SMAD5: variants seen among roughly 807,000 people sequenced by gnomAD.
The protein encoded by SMAD5 is MAD, mothers against decapentaplegic homolog 5.
Under a neutral mutation model 43.1 loss-of-function variants are expected in SMAD5, and 9 were observed. The observed-to-expected ratio is 0.21, with a 90% CI of 0.13 to 0.36. The LOEUF is 0.36. SMAD5 is among the 10% of genes least tolerant of loss of function. SMAD5 has a pLI of 1.00. For synonymous variants in SMAD5, 190 were observed against 192.4 expected (o/e 0.99, Z 0.10); for missense variants, 348 against 574.0 (o/e 0.61, Z 4.02).
At chr5:136,172,831 T>G (rs1483911755) in intron 6 of SMAD5, 176 bp downstream of exon 6, 2 of 585,942 alleles carry the variant, frequency 3.4e-6, no homozygotes, top group Non-Finnish European at 6.1e-6. Context: ...GTTCCCTCAT[T>G]TTTTTGTCCT....
chr5:136,166,553 CTACT>C (rs1269696505), intron 5 of SMAD5, among the ~76,000 whole-genome samples: 5 of 152,210 alleles, frequency 3.3e-5, no homozygotes, highest in Admixed American at 1.3e-4. Context: ...TCCTGTTTCT[CTACT>C]TATTTGCTTT....
intron 2 of SMAD5, among the ~76,000 whole-genome samples, chr5:136,150,749 C>G (rs568963705): frequency 3.0e-4 from 45 of 152,064 alleles, no homozygotes; most frequent in African/African-American, 1.1e-3. Context: ...TAGCCAGTCT[C>G]TTAAGTCTTG....
chr5:136,172,369 A>C, intron 5 of SMAD5, 65 bp from the exon 6 acceptor site: 1 of 947,656 alleles, frequency 1.1e-6, no homozygotes, highest in Non-Finnish European at 1.6e-6. Flanking sequence ...GTTAAAAGAT[A>C]AACACATGGA....
intron 2 of SMAD5, among the ~76,000 whole-genome samples, chr5:136,152,953 A>G (rs1032470123): frequency 1.3e-5 from 2 of 152,186 alleles, no homozygotes; most frequent in African/African-American, 4.8e-5. Context: ...TTTAAAATGA[A>G]TTTATTCTCT....
intron 1 of SMAD5, among the ~76,000 whole-genome samples, chr5:136,140,995 T>G (rs1278815571): frequency 1.3e-5 from 2 of 152,090 alleles, no homozygotes; most frequent in Non-Finnish European, 2.9e-5. Flanking sequence ...AACAAATTAT[T>G]ATGAATCAGT....
At chr5:136,151,726 A>G (rs1167476728) in intron 2 of SMAD5, among the ~76,000 whole-genome samples, 2 of 151,844 alleles carry the variant, frequency 1.3e-5, no homozygotes, top group South Asian at 4.1e-4. Flanking sequence ...ATTATATTCT[A>G]GTGTTCATGA....
chr5:136,153,281 G>A (rs892759782), intron 2 of SMAD5, among the ~76,000 whole-genome samples: 7 of 152,132 alleles, frequency 4.6e-5, no homozygotes, highest in Non-Finnish European at 7.4e-5. Flanking sequence ...TCAAATTTTA[G>A]AAGAGTGTTT....
chr5:136,146,476 T>C (rs1753259539), intron 1 of SMAD5, among the ~76,000 whole-genome samples: 2 of 151,928 alleles, frequency 1.3e-5, no homozygotes, highest in South Asian at 4.1e-4. Flanking sequence ...GCATGAAAAA[T>C]TGAATCAACT....
chr5:136,162,694 G>C (rs1355140475), intron 4 of SMAD5, among the ~76,000 whole-genome samples: 3 of 152,136 alleles, frequency 2.0e-5, no homozygotes, highest in Non-Finnish European at 1.5e-5. Context: ...GAAACTCAAA[G>C]ATTTTCTAGT....
At chr5:136,158,363 C>G (rs1214168451) in intron 3 of SMAD5, among the ~76,000 whole-genome samples, 1 of 152,102 alleles carries the variant, frequency 6.6e-6, no homozygotes, top group African/African-American at 2.4e-5. Context: ...GTTCTGGATT[C>G]TAGAAGAAAG....
intron 4 of SMAD5, among the ~76,000 whole-genome samples, chr5:136,161,741 C>T (rs1410685692): frequency 2.0e-5 from 3 of 152,188 alleles, no homozygotes; most frequent in Non-Finnish European, 4.4e-5. Context: ...GTCAGTATGT[C>T]ACTGTCAAGA....
At chr5:136,174,699 T>C (rs531037380) in intron 7 of SMAD5, 67 bp downstream of exon 7, 22 of 1,141,382 alleles carry the variant, frequency 1.9e-5, no homozygotes, top group Admixed American at 1.8e-4. Context: ...TAGGTTATAA[T>C]TTTTAAAAAT....
At position 136,165,684 on chromosome 5, in the gene SMAD5, T is replaced by A. The variant is rs1033766823; in HGVS notation, c.775+2293T>A. Among the ~76,000 whole-genome samples, 45 of 142,638 alleles carry A rather than the reference T, an allele frequency of 3.2e-4. 1 individual carries two copies. Among genetic ancestry groups the A allele is most frequent in the African/African-American group, 1.0e-3 (40 of 38,694 alleles). 93.6% of individuals were successfully genotyped at this position (142,638 alleles called of 152,430 possible). On this transcript the variant is annotated intron_variant, in intron 5 of 7. Transcript: ENST00000545279. ...ACAATTTTTTTTTTTTTTTTTTTTT[T>A]TTTTTTTTTTTTTTTGTGACTGGCT...
chr5:136,165,877 T>C (rs1221773307), intron 5 of SMAD5, among the ~76,000 whole-genome samples: 1 of 152,000 alleles, frequency 6.6e-6, no homozygotes, highest in Non-Finnish European at 1.5e-5. Flanking sequence ...ATAATACTAC[T>C]GTGGACATGG....
rs947910529 is a variant in SMAD5, at chr5:136,163,429, A to G, written c.775+38A>G. 5 of 1,514,354 alleles carry G rather than the reference A, an allele frequency of 3.3e-6. No individual in the cohort carries two copies. In the African/African-American group the frequency reaches 5.6e-5, roughly 17 times the overall value. 93.8% of individuals were successfully genotyped at this position (1,514,354 alleles called of 1,614,324 possible). ...CTCACTTCATTTATTTTATAGTAGT[A>G]GTTGTTTTTAACTTATTGGCTACTT... is the stretch of plus-strand genomic sequence containing the variant. On this transcript the variant is annotated intron_variant, in intron 5 of 7. Transcript: ENST00000545279.
rs141292809 is a variant in SMAD5, at chr5:136,156,355, T to A, written c.403+2192T>A. Among the ~76,000 whole-genome samples, 8 of 152,278 alleles carry A rather than the reference T, an allele frequency of 5.3e-5. No individual in the cohort carries two copies. The East Asian group carries it at 1.4e-3, about 26-fold the overall frequency. ...TACTCAAGCAGGGAGAATTACCCAA[T>A]GGTTTGAATACCTGGAGGTGGGAAT... is the stretch of plus-strand genomic sequence containing the variant. On this transcript the variant is annotated intron_variant, in intron 3 of 7. Transcript: ENST00000545279.
At chr5:136,154,738 A>T (rs1014689601) in intron 3 of SMAD5, among the ~76,000 whole-genome samples, 1 of 151,768 alleles carries the variant, frequency 6.6e-6, no homozygotes, top group African/African-American at 2.4e-5. Flanking sequence ...TGACTTCTCT[A>T]GTTAGTCTTT....
At chr5:136,172,708 G>A in intron 6 of SMAD5, 53 bp downstream of exon 6, 1 of 1,220,702 alleles carries the variant, frequency 8.2e-7, no homozygotes, top group Non-Finnish European at 1.2e-6. Context: ...TGTTGTACTT[G>A]CCATGAACCA....
intron 4 of SMAD5, among the ~76,000 whole-genome samples, 183 bp downstream of exon 4, chr5:136,161,290 A>G (rs1472963694): frequency 6.6e-6 from 1 of 152,200 alleles, no homozygotes; most frequent in African/African-American, 2.4e-5. Context: ...CAATTACCGT[A>G]TGTTTAAAAA....
Sources: allele counts gnomAD v4.1 joint callset (sites outside exome capture counted in the v4.1 genomes callset), GRCh38; gene constraint gnomAD v4.1.1; transcripts MANE v1.5; gene names NCBI Gene and HGNC (gene_info 2026-07-23, HGNC 2026-07-21).